Variants in SMCHD1 observed in about 807,000 individuals in gnomAD.
The protein encoded by SMCHD1 is structural maintenance of chromosomes flexible hinge domain containing 1.
Under a neutral mutation model 254.7 loss-of-function variants are expected in SMCHD1, and 78 were observed. The ratio of observed to expected loss-of-function variants is 0.31; its 90% CI spans 0.26 to 0.37. SMCHD1 has a LOEUF of 0.37. Among genes scored for constraint, SMCHD1 ranks in the 10% least tolerant of loss-of-function variants. The pLI is 1.00. For synonymous variants in SMCHD1, 766 were observed against 794.9 expected (o/e 0.96, Z 0.61); for missense variants, 1,840 against 2,408.1 (o/e 0.76, Z 4.94).
intron 13 of SMCHD1, among the ~76,000 whole-genome samples, chr18:2,704,498 C>T (rs567657495): frequency 1.3e-3 from 191 of 151,544 alleles, no homozygotes; most frequent in Middle Eastern, 6.8e-3. Flanking sequence ...TATATCCTAG[C>T]AATGGGGATA....
chr18:2,753,731 G>C (rs563105624), intron 34 of SMCHD1, among the ~76,000 whole-genome samples: 1 of 152,114 alleles, frequency 6.6e-6, no homozygotes, highest in East Asian at 1.9e-4. Flanking sequence ...TTTATTTTGT[G>C]TGTGTGTGGA....
Position 2,694,691 on chromosome 18 carries a change from A to G in SMCHD1, c.1038A>G (p.Leu346=). The G allele has an allele frequency of 6.2e-7, 1 of 1,609,470 alleles. No individual in the cohort carries two copies. The highest frequency in any genetic ancestry group is 8.5e-7 in the Non-Finnish European group (1 of 1,178,582). The part of the protein sequence containing the change: ...KNYFHLWTRQ[L]AHIYHYYIHG... ...ATTTCCACCTTTGGACACGACAGTT[A>G]GCGTAAGTAATTATATTTGGCTTAG... is the stretch of plus-strand genomic sequence containing the variant. Residue 346 remains leucine (L), a splice_region_variant and synonymous_variant, in exon 8 of 48, where the codon TTA becomes TTG. Coordinates refer to ENST00000320876, the MANE Select transcript of SMCHD1 (RefSeq NM_015295.3).
intron 23 of SMCHD1, 137 bp from the exon 24 acceptor site, chr18:2,729,138 T>C (rs2075085997): frequency 1.7e-6 from 1 of 588,460 alleles, no homozygotes; most frequent in African/African-American, 1.9e-5. Flanking sequence ...TCTAGAGTTT[T>C]AGTGACTTTT....
At chr18:2,772,424 GT>G in intron 41 of SMCHD1, 52 bp downstream of exon 41, 1 of 1,426,822 alleles carries the variant, frequency 7.0e-7, no homozygotes, top group Non-Finnish European at 9.2e-7. Context: ...TATCTTGTTT[GT>G]TTAAAACGGG....
intron 34 of SMCHD1, 167 bp downstream of exon 34, chr18:2,752,719 T>G: frequency 1.8e-6 from 1 of 552,890 alleles, no homozygotes; most frequent in South Asian, 2.2e-5. Flanking sequence ...GTTTTCGTTT[T>G]TAAGCATTAA....
chr18:2,753,785 A>G (rs940276937), intron 34 of SMCHD1, among the ~76,000 whole-genome samples: 2 of 152,100 alleles, frequency 1.3e-5, no homozygotes, highest in South Asian at 4.1e-4. Context: ...CGAACTCCTG[A>G]GCTCAAAGCC....
chr18:2,777,488 T>TTATGTCATTCA (rs1272928806), intron 42 of SMCHD1, among the ~76,000 whole-genome samples: 5 of 147,468 alleles, frequency 3.4e-5, no homozygotes, highest in African/African-American at 1.3e-4. Context: ...ACATGAACAG[T>TTATGTCATTCA]TATGTCATTC....
intron 12 of SMCHD1, among the ~76,000 whole-genome samples, chr18:2,703,086 A>G (rs527855421): frequency 8.3e-4 from 126 of 152,314 alleles, no homozygotes; most frequent in African/African-American, 2.6e-3. Flanking sequence ...TATTTTTTGG[A>G]TAGGCTCTAT....
In SMCHD1 at chr18:2,724,897, A is replaced by G; in HGVS notation, c.2604-2A>G. ...AGTTAAAAAATAATTTTTTTTCCCCAGTGGTTTATCTTTACATTATGAAGA... is the reference window on the plus strand; with the variant it reads ...AGTTAAAAAATAATTTTTTTTCCCCGGTGGTTTATCTTTACATTATGAAGA... On this transcript the variant is annotated splice_acceptor_variant, in intron 20 of 47. Coordinates refer to ENST00000320876, the MANE Select transcript of SMCHD1 (RefSeq NM_015295.3). LOFTEE classifies it high-confidence loss of function. 2 of 1,549,378 alleles carry G rather than the reference A, an allele frequency of 1.3e-6. No individual in the cohort carries two copies. Among genetic ancestry groups the G allele is most frequent in the Non-Finnish European group, 1.8e-6 (2 of 1,140,290 alleles).
chr18:2,717,975 G>A (rs190744811), intron 17 of SMCHD1, among the ~76,000 whole-genome samples, 183 bp from the exon 18 acceptor site: 1 of 152,104 alleles, frequency 6.6e-6, no homozygotes, highest in African/African-American at 2.4e-5. Context: ...AGATTTTAAT[G>A]AATTGAAGAG....
At chr18:2,683,082 A>G (rs1395709200) in intron 5 of SMCHD1, among the ~76,000 whole-genome samples, 1 of 152,170 alleles carries the variant, frequency 6.6e-6, no homozygotes, top group Non-Finnish European at 1.5e-5. Context: ...GACCTGATGT[A>G]TGTATGTTGT....
At chr18:2,755,727 C>G (rs894093542) in intron 34 of SMCHD1, among the ~76,000 whole-genome samples, 5 of 151,768 alleles carry the variant, frequency 3.3e-5, no homozygotes, top group Admixed American at 3.3e-4. Context: ...GCCACCACGC[C>G]CAGCTAATTT....
chr18:2,749,597 G>T (rs2075533543), intron 30 of SMCHD1, among the ~76,000 whole-genome samples: 1 of 152,140 alleles, frequency 6.6e-6, no homozygotes, highest in Non-Finnish European at 1.5e-5. Flanking sequence ...AAGTGTATCT[G>T]AGTAGACTTT....
At chr18:2,758,076 T>G (rs531591332) in intron 34 of SMCHD1, among the ~76,000 whole-genome samples, 2 of 152,066 alleles carry the variant, frequency 1.3e-5, no homozygotes, top group African/African-American at 4.8e-5. Flanking sequence ...ATAGATATAT[T>G]CTTTTAAGTG....
At chr18:2,674,981 G>A (rs931544865) in intron 5 of SMCHD1, among the ~76,000 whole-genome samples, 8 of 152,162 alleles carry the variant, frequency 5.3e-5, no homozygotes, top group Non-Finnish European at 1.2e-4. Context: ...TAAGAGACAA[G>A]GTAGTATGAA....
intron 13 of SMCHD1, 110 bp downstream of exon 13, chr18:2,703,996 T>TC (rs761871199): frequency 2.8e-4 from 234 of 838,104 alleles, no homozygotes; most frequent in Admixed American, 6.6e-4. Context: ...TTTCTTTTTT[T>TC]CCCATTCTCA....
chr18:2,721,579 T>C (rs2074929071), intron 19 of SMCHD1, among the ~76,000 whole-genome samples: 1 of 152,194 alleles, frequency 6.6e-6, no homozygotes, highest in Non-Finnish European at 1.5e-5. Context: ...TATGCTGCTT[T>C]CTGTACGTAT....
chr18:2,759,258 T>C (rs1244683157), intron 34 of SMCHD1, among the ~76,000 whole-genome samples: 1 of 152,186 alleles, frequency 6.6e-6, no homozygotes, highest in Non-Finnish European at 1.5e-5. Flanking sequence ...GTCCGTTGTC[T>C]GGGCTGCTAC....
chr18:2,701,451 G>A (rs1233079063), intron 12 of SMCHD1, among the ~76,000 whole-genome samples: 2 of 152,126 alleles, frequency 1.3e-5, no homozygotes, highest in East Asian at 1.9e-4. Flanking sequence ...ATGAGCCATC[G>A]CACCCAGCCA....
Sources: gnomAD v4.1 joint callset for allele counts (sites outside exome capture counted in the v4.1 genomes callset) on GRCh38, gnomAD v4.1.1 for gene constraint, MANE v1.5 for transcripts, NCBI Gene and HGNC (gene_info 2026-07-23, HGNC 2026-07-21) for gene names.